The following PRKAA2 variants were observed in gnomAD, a reference collection of about 807,000 sequenced individuals.
The protein encoded by PRKAA2 is 5'-AMP-activated protein kinase catalytic subunit alpha-2.
A neutral mutation model predicts 56.3 loss-of-function variants in PRKAA2; 40 were observed. The ratio of observed to expected loss-of-function variants is 0.71; its 90% CI spans 0.55 to 0.92. The LOEUF (loss-of-function observed/expected upper bound fraction) is 0.92, where lower values mean the gene tolerates loss of function less well. Among genes scored for constraint, PRKAA2 ranks in the 40% least tolerant of loss-of-function variants. The pLI is 0.00. For synonymous variants in PRKAA2, 214 were observed against 234.2 expected (o/e 0.91, Z 0.79); for missense variants, 542 against 686.9 (o/e 0.79, Z 2.36).
At position 56,674,428 on chromosome 1, in the gene PRKAA2, A is replaced by G. The variant is rs1407331305; in HGVS notation, c.142A>G (p.Asn48Asp). 1 of 1,584,772 alleles carries G rather than the reference A, an allele frequency of 6.3e-7. No homozygotes were observed. The highest frequency in any genetic ancestry group is 1.4e-5 in the African/African-American group (1 of 73,408). ...CCATAAAGTGGCAGTTAAAATCTTA[A>G]ATAGACAGAAGATTCGCAGTTTAGA... ...TGHKVAVKIL[N>D]RQKIRSLDVV... The change falls in exon 2 of 9, where the codon AAT (asparagine) becomes GAT (aspartate). Residue 48 changes from asparagine (N) to aspartate (D), a missense_variant. This residue lies in a region of PRKAA2 where 121 missense variants were observed against 210.0 expected (regional missense o/e 0.58). Coordinates refer to ENST00000371244, the MANE Select transcript of PRKAA2 (RefSeq NM_006252.4).
chr1:56,692,684 A>G (rs1327056373), intron 4 of PRKAA2, among the ~76,000 whole-genome samples, 182 bp downstream of exon 4: 2 of 152,054 alleles, frequency 1.3e-5, no homozygotes, highest in African/African-American at 4.8e-5. Context: ...TTCATTAAAT[A>G]CACTTTAAAA....
At chr1:56,678,260 T>C (rs1644128156) in intron 2 of PRKAA2, among the ~76,000 whole-genome samples, 1 of 152,248 alleles carries the variant, frequency 6.6e-6, no homozygotes, top group African/African-American at 2.4e-5. Flanking sequence ...CATGTATTTT[T>C]GCTACAGAAG....
At chr1:56,652,244 C>G (rs1032440938) in intron 1 of PRKAA2, among the ~76,000 whole-genome samples, 2 of 151,960 alleles carry the variant, frequency 1.3e-5, no homozygotes, top group Non-Finnish European at 2.9e-5. Context: ...ATCTCCTGAC[C>G]TCGTAATACG....
intron 1 of PRKAA2, among the ~76,000 whole-genome samples, chr1:56,663,228 G>A (rs79697822): frequency 6.6e-6 from 1 of 152,146 alleles, no homozygotes; most frequent in South Asian, 2.1e-4. Flanking sequence ...TGAGACTGTA[G>A]GCCTGTGCCA....
intron 2 of PRKAA2, among the ~76,000 whole-genome samples, chr1:56,684,809 C>A (rs1383139358): frequency 6.6e-6 from 1 of 152,014 alleles, no homozygotes; most frequent in Non-Finnish European, 1.5e-5. Context: ...TAACTATAGG[C>A]AGGAGAGGAG....
chr1:56,655,280 A>ATATATATATATATATATATAT, intron 1 of PRKAA2, among the ~76,000 whole-genome samples: 1 of 93,654 alleles, frequency 1.1e-5, no homozygotes, highest in African/African-American at 4.5e-5. Context: ...ATATATATAT[A>ATATATATATATATATATATAT]TTTTTTTTTT....
At chr1:56,667,489 T>G (rs1644044392) in intron 1 of PRKAA2, among the ~76,000 whole-genome samples, 1 of 152,158 alleles carries the variant, frequency 6.6e-6, no homozygotes, top group Non-Finnish European at 1.5e-5. Context: ...ATAGCATTAT[T>G]TCATATATTA....
At position 56,707,810 on chromosome 1, in the gene PRKAA2, T is replaced by C. The variant is rs186729372; in HGVS notation, c.*97T>C. ...TGGATAATATCCACTGCAATACTAA[T>C]TGAGAAACATGAATTATTTCCAGGG... is the stretch of plus-strand genomic sequence containing the variant. On this transcript the variant is annotated 3_prime_UTR_variant, in exon 9 of 9. Transcript: ENST00000371244. 4 of 1,099,768 alleles carry C rather than the reference T, an allele frequency of 3.6e-6. No homozygotes were observed. The East Asian group carries it at 9.5e-5, about 26-fold the overall frequency. The allele number at this position is 1,099,768 out of a possible 1,614,324, so 68.1% of individuals were successfully genotyped here. A position where few individuals can be genotyped will look rare whatever the true frequency, so the allele number is the denominator to read the frequency against.
At chr1:56,702,130 C>T (rs1013092172) in intron 6 of PRKAA2, among the ~76,000 whole-genome samples, 30 of 151,114 alleles carry the variant, frequency 2.0e-4, no homozygotes, top group African/African-American at 7.3e-4. Context: ...GTTGCCCAGG[C>T]TGGAGTGCAA....
intron 1 of PRKAA2, among the ~76,000 whole-genome samples, chr1:56,658,935 C>T (rs1180298379): frequency 6.6e-6 from 1 of 151,580 alleles, no homozygotes; most frequent in Non-Finnish European, 1.5e-5. Flanking sequence ...GCTGGGACTA[C>T]AGGCGAGTGC....
At position 56,695,935 on chromosome 1, in the gene PRKAA2, A is replaced by T. The variant is rs1407170093; in HGVS notation, c.564A>T (p.Arg188Ser). The T allele has an allele frequency of 6.2e-7, 1 of 1,611,498 alleles. No individual in the cohort carries two copies. The highest frequency in any genetic ancestry group is 8.5e-7 in the Non-Finnish European group (1 of 1,179,176). ...TTTGTGTTGTCATCTTTTTTCTTAG[A>T]TTGTATGCAGGTCCTGAAGTTGATA... is the stretch of plus-strand genomic sequence containing the variant. ...NYAAPEVISG[R>S]LYAGPEVDIW... Residue 188 changes from arginine (R) to serine (S), a missense_variant and splice_region_variant, in exon 6 of 9, where the codon AGA becomes AGT. Coordinates refer to ENST00000371244, the MANE Select transcript of PRKAA2 (RefSeq NM_006252.4).
chr1:56,691,870 CGACAAA>C (rs1644230580), intron 3 of PRKAA2, among the ~76,000 whole-genome samples: 1 of 151,994 alleles, frequency 6.6e-6, no homozygotes, highest in Admixed American at 6.6e-5. Context: ...TTCTGCTTAG[CGACAAA>C]GACAAACTTG....
Position 56,707,951 on chromosome 1 carries a change from G to T in PRKAA2, c.*238G>T. Reference sequence around the variant, plus strand: ...TTCACATAGGCAATATCTTTAATAGGTTAATATCAATGAAGATTTTTAATT... The same window carrying T: ...TTCACATAGGCAATATCTTTAATAGTTTAATATCAATGAAGATTTTTAATT... On this transcript the variant is annotated 3_prime_UTR_variant, in exon 9 of 9. Transcript: ENST00000371244. The T allele has an allele frequency of 1.9e-6, 1 of 526,464 alleles. No individual in the cohort carries two copies. The highest frequency in any genetic ancestry group is 3.4e-6 in the Non-Finnish European group (1 of 297,496). 32.6% of individuals were successfully genotyped at this position (526,464 alleles called of 1,614,324 possible).
intron 2 of PRKAA2, among the ~76,000 whole-genome samples, chr1:56,674,780 A>C (rs768743792): frequency 5.9e-5 from 9 of 152,026 alleles, no homozygotes; most frequent in Admixed American, 1.3e-4. Flanking sequence ...AAATTAGTAC[A>C]TCAATTCTCA....
intron 2 of PRKAA2, among the ~76,000 whole-genome samples, chr1:56,683,202 G>C (rs747965923): frequency 5.7e-4 from 85 of 149,352 alleles, no homozygotes; most frequent in African/African-American, 2.0e-3. Flanking sequence ...ACATTAGAGA[G>C]ATGTGAACAT....
At chr1:56,653,641 G>A (rs1398275885) in intron 1 of PRKAA2, among the ~76,000 whole-genome samples, 1 of 152,128 alleles carries the variant, frequency 6.6e-6, no homozygotes, top group Non-Finnish European at 1.5e-5. Flanking sequence ...TTTTGTGTAT[G>A]TAGACACCAT....
intron 4 of PRKAA2, 86 bp downstream of exon 4, chr1:56,692,588 C>A (rs1293611583): frequency 2.2e-6 from 3 of 1,383,262 alleles, no homozygotes; most frequent in African/African-American, 1.5e-5. Flanking sequence ...TACTTTTCAA[C>A]CTTGTACGTT....
chr1:56,691,707 G>A (rs181426096), intron 3 of PRKAA2, among the ~76,000 whole-genome samples: 6 of 152,212 alleles, frequency 3.9e-5, no homozygotes, highest in East Asian at 3.9e-4. Context: ...AACATGATGC[G>A]TATGCTTTTT....
At chr1:56,695,182 T>TTATATATA (rs71852426) in intron 5 of PRKAA2, among the ~76,000 whole-genome samples, 1 of 129,986 alleles carries the variant, frequency 7.7e-6, no homozygotes, top group African/African-American at 3.4e-5. Context: ...ATATGATATA[T>TTATATATA]TATATATATA....
Sources: gnomAD v4.1 joint callset for allele counts (sites outside exome capture counted in the v4.1 genomes callset) on GRCh38, gnomAD v4.1.1 for gene constraint, gnomAD v4.1.1 regional missense constraint, MANE v1.5 for transcripts, NCBI Gene and HGNC (gene_info 2026-07-23, HGNC 2026-07-21) for gene names.